TMEM135: variants seen among roughly 807,000 people sequenced by gnomAD.
TMEM135 encodes transmembrane protein 135.
A neutral mutation model predicts 60.3 loss-of-function variants in TMEM135; 30 were observed. The observed-to-expected ratio is 0.50, with a 90% CI of 0.37 to 0.68. The LOEUF (loss-of-function observed/expected upper bound fraction) is 0.68, where lower values mean the gene tolerates loss of function less well. Ranked by LOEUF, TMEM135 falls within the 30% of genes least tolerant of loss-of-function variation. TMEM135 has a pLI of 0.00. For synonymous variants in TMEM135, 190 were observed against 186.7 expected (o/e 1.02, Z -0.14); for missense variants, 468 against 548.8 (o/e 0.85, Z 1.47).
rs571581982 is a variant in TMEM135 at position 87,325,632 on chromosome 11, C to G, written c.*4299C>G. 1.5e-5 allele frequency: 7 copies of G among 453,604 alleles called. No homozygotes were observed. The highest frequency in any genetic ancestry group is 2.4e-5 in the Admixed American group (1 of 42,496). The allele number at this position is 453,604 out of a possible 1,614,324, so 28.1% of individuals were successfully genotyped here. A position where few individuals can be genotyped will look rare whatever the true frequency, so the allele number is the denominator to read the frequency against. ...CTTCATTGCAACCTTTTAAGCCAGC[C>G]GTTCAAGTGAGAGGCTCTGGAGTGA... On this transcript the variant is annotated 3_prime_UTR_variant, in exon 15 of 15. Transcript: ENST00000305494.
chr11:87,311,861 A>C (rs1304083309), intron 10 of TMEM135, among the ~76,000 whole-genome samples: 1 of 151,914 alleles, frequency 6.6e-6, no homozygotes, highest in Non-Finnish European at 1.5e-5. Context: ...ATCTCTGGTA[A>C]TATTCATTGT....
chr11:87,054,969 C>G (rs1414586233), intron 1 of TMEM135, among the ~76,000 whole-genome samples: 4 of 152,042 alleles, frequency 2.6e-5, no homozygotes, highest in Admixed American at 2.0e-4. Flanking sequence ...TTTCATTAAT[C>G]AAATATTACA....
At chr11:87,264,255 C>T (rs962251323) in intron 6 of TMEM135, among the ~76,000 whole-genome samples, 3 of 150,590 alleles carry the variant, frequency 2.0e-5, no homozygotes, top group African/African-American at 7.3e-5. Flanking sequence ...GTCTCTCTCT[C>T]TCTTTTTTTC....
At chr11:87,293,273 T>C (rs1942296172) in intron 6 of TMEM135, among the ~76,000 whole-genome samples, 3 of 152,182 alleles carry the variant, frequency 2.0e-5, no homozygotes, top group African/African-American at 7.2e-5. Flanking sequence ...CTGTGTAAGG[T>C]GGAAAATTAT....
At chr11:87,213,682 A>G (rs1333161205) in intron 5 of TMEM135, among the ~76,000 whole-genome samples, 1 of 152,086 alleles carries the variant, frequency 6.6e-6, no homozygotes, top group Non-Finnish European at 1.5e-5. Flanking sequence ...CCAAATTAGT[A>G]GGTAGTTTCT....
At chr11:87,120,043 A>G (rs1359224728) in intron 4 of TMEM135, among the ~76,000 whole-genome samples, 1 of 152,030 alleles carries the variant, frequency 6.6e-6, no homozygotes, top group Non-Finnish European at 1.5e-5. Flanking sequence ...AATATTTGAA[A>G]TGGGGAACAT....
At chr11:87,185,127 T>A (rs540292550) in intron 5 of TMEM135, among the ~76,000 whole-genome samples, 2 of 152,276 alleles carry the variant, frequency 1.3e-5, no homozygotes, top group African/African-American at 4.8e-5. Flanking sequence ...TATGTAAATA[T>A]TTCAGTATGT....
At chr11:87,059,503 A>G (rs1265246298) in intron 1 of TMEM135, among the ~76,000 whole-genome samples, 1 of 151,758 alleles carries the variant, frequency 6.6e-6, no homozygotes, top group Admixed American at 6.6e-5. Flanking sequence ...TTTAGTAGAG[A>G]CAAGGTTTTG....
intron 6 of TMEM135, chr11:87,259,104 C>A: frequency 2.1e-6 from 2 of 937,098 alleles, no homozygotes; most frequent in Non-Finnish European, 3.4e-6. Context: ...AGACCGGACC[C>A]TCTTCGGAAA....
At chr11:87,167,130 T>A (rs146345727) in intron 5 of TMEM135, among the ~76,000 whole-genome samples, 5,727 of 152,260 alleles carry the variant, frequency 0.038, 332 homozygotes, top group African/African-American at 0.13. Flanking sequence ...TGTGTAGGAA[T>A]GCTTGTGATT....
At chr11:87,131,098 C>T (rs1937915976) in intron 4 of TMEM135, among the ~76,000 whole-genome samples, 2 of 151,776 alleles carry the variant, frequency 1.3e-5, no homozygotes, top group South Asian at 4.1e-4. Flanking sequence ...TTTATAGAAA[C>T]CTTGAGTGGA....
chr11:87,252,710 G>C (rs1941441657), intron 6 of TMEM135, among the ~76,000 whole-genome samples: 1 of 151,418 alleles, frequency 6.6e-6, no homozygotes, highest in South Asian at 2.1e-4. Flanking sequence ...GGTGGAGGCT[G>C]TGGTGAGCCA....
intron 4 of TMEM135, among the ~76,000 whole-genome samples, chr11:87,114,451 A>T (rs1857827694): frequency 6.6e-6 from 1 of 152,164 alleles, no homozygotes; most frequent in Non-Finnish European, 1.5e-5. Context: ...TCCGTAAAAA[A>T]CAACAAGCTG....
chr11:87,271,547 A>G (rs1013542193), intron 6 of TMEM135, among the ~76,000 whole-genome samples: 1 of 112,534 alleles, frequency 8.9e-6, no homozygotes, highest in Non-Finnish European at 1.8e-5. Context: ...AAGACTTGGT[A>G]TGGATAAAGA....
intron 8 of TMEM135, among the ~76,000 whole-genome samples, chr11:87,305,006 G>A (rs17759514): frequency 0.011 from 1,625 of 152,268 alleles, 19 homozygotes; most frequent in Middle Eastern, 0.017. Flanking sequence ...TTAAACACTG[G>A]AGGGTTAAGT....
chr11:87,184,463 C>T (rs372975638), intron 5 of TMEM135, among the ~76,000 whole-genome samples: 2 of 152,072 alleles, frequency 1.3e-5, no homozygotes, highest in African/African-American at 4.8e-5. Flanking sequence ...AAGGGTCTGA[C>T]GATTACTTTA....
chr11:87,111,839 G>T (rs570012063), intron 4 of TMEM135, among the ~76,000 whole-genome samples: 12 of 151,938 alleles, frequency 7.9e-5, no homozygotes, highest in South Asian at 6.2e-4. Flanking sequence ...TGGTTTTATT[G>T]TCCCATTTAT....
At chr11:87,060,067 C>T (rs1949931744) in intron 1 of TMEM135, among the ~76,000 whole-genome samples, 2 of 151,758 alleles carry the variant, frequency 1.3e-5, no homozygotes, top group African/African-American at 4.8e-5. Context: ...GGGCGGAGAT[C>T]GCGCCACTGC....
intron 6 of TMEM135, among the ~76,000 whole-genome samples, chr11:87,282,835 C>T (rs1160242983): frequency 6.6e-6 from 1 of 152,196 alleles, no homozygotes; most frequent in Non-Finnish European, 1.5e-5. Context: ...ATAATTCTCT[C>T]ATGTTACTTT....
Sources: gnomAD v4.1 joint callset for allele counts (sites outside exome capture counted in the v4.1 genomes callset) on GRCh38, gnomAD v4.1.1 for gene constraint, MANE v1.5 for transcripts, NCBI Gene and HGNC (gene_info 2026-07-23, HGNC 2026-07-21) for gene names.